BARD1: variants seen among roughly 807,000 people sequenced by gnomAD.
The protein encoded by BARD1 is BRCA1-associated RING domain protein 1.
Under a neutral mutation model 77.0 loss-of-function variants are expected in BARD1, and 73 were observed. The ratio of observed to expected loss-of-function variants is 0.95; its 90% CI spans 0.79 to 1.15. BARD1 has a LOEUF of 1.15. Among genes scored for constraint, BARD1 ranks in the 50% most tolerant of loss-of-function variants. The pLI is 0.00. For synonymous variants in BARD1, 384 were observed against 338.0 expected (o/e 1.14, Z -1.49); for missense variants, 993 against 938.8 (o/e 1.06, Z -0.75).
In BARD1 at chr2:214,745,088, A is replaced by G. The variant is rs140642433; in HGVS notation, c.1882T>C (p.Cys628Arg). The change falls in exon 9 of 11, where the codon TGC becomes CGC. Residue 628 changes from cysteine to arginine, a missense_variant. By Grantham distance (180) the Cys-to-Arg change is radical (BLOSUM62 -3). Transcript: ENST00000260947. ...TTACATTCAAATTTTAGAATCCAGC[A>G]TCCATTGAGAATCCCAAGCATACAC... ...LKCMLGILNG[C>R]WILKFEWVKA... The G allele has an allele frequency of 3.7e-6, 6 of 1,613,844 alleles. No homozygotes were observed. In the African/African-American group the frequency reaches 5.3e-5, roughly 14 times the overall value.
intron 6 of BARD1, among the ~76,000 whole-genome samples, chr2:214,760,007 A>G (rs1693878170): frequency 6.6e-6 from 1 of 152,074 alleles, no homozygotes; most frequent in African/African-American, 2.4e-5. Flanking sequence ...TCTTTTTCCT[A>G]TGTCTAGTCT....
At chr2:214,737,338 A>C (rs1692611364) in intron 9 of BARD1, among the ~76,000 whole-genome samples, 1 of 152,164 alleles carries the variant, frequency 6.6e-6, no homozygotes, top group African/African-American at 2.4e-5. Flanking sequence ...TTTTATAGAT[A>C]AGGAAACTTA....
intron 6 of BARD1, among the ~76,000 whole-genome samples, chr2:214,763,031 C>G (rs1479969107): frequency 2.6e-5 from 4 of 152,110 alleles, no homozygotes; most frequent in Non-Finnish European, 5.9e-5. Context: ...TTAGCACACA[C>G]AGCCTTTCAA....
intron 9 of BARD1, among the ~76,000 whole-genome samples, chr2:214,735,850 C>T (rs767506458): frequency 3.9e-5 from 6 of 152,086 alleles, no homozygotes; most frequent in African/African-American, 1.4e-4. Flanking sequence ...TTTGTCAAGA[C>T]GCTGAGTCTT....
At chr2:214,791,313 A>G (rs903374602) in intron 3 of BARD1, among the ~76,000 whole-genome samples, 4 of 152,202 alleles carry the variant, frequency 2.6e-5, no homozygotes, top group African/African-American at 9.6e-5. Flanking sequence ...TATTTTGTAT[A>G]ATCAACTTCA....
chr2:214,735,244 G>A (rs528420087), intron 9 of BARD1, among the ~76,000 whole-genome samples: 117 of 152,164 alleles, frequency 7.7e-4, no homozygotes, highest in African/African-American at 2.6e-3. Flanking sequence ...TGTATTATGA[G>A]GCCATTTTAA....
chr2:214,770,313 G>A (rs941269419), intron 4 of BARD1, among the ~76,000 whole-genome samples: 1 of 152,174 alleles, frequency 6.6e-6, no homozygotes, highest in African/African-American at 2.4e-5. Flanking sequence ...AGCCTTACAA[G>A]TCTTTTCTAA....
intron 3 of BARD1, among the ~76,000 whole-genome samples, chr2:214,784,550 T>C (rs1362376436): frequency 4.6e-5 from 7 of 152,174 alleles, no homozygotes; most frequent in Non-Finnish European, 1.0e-4. Context: ...GGATTATAAA[T>C]CATTCTACTA....
chr2:214,729,418 T>C (rs972499168), intron 10 of BARD1, among the ~76,000 whole-genome samples: 1 of 152,206 alleles, frequency 6.6e-6, no homozygotes, highest in East Asian at 1.9e-4. Context: ...TTTTAGATGT[T>C]GGATTAGGAA....
At chr2:214,745,006 T>C (rs1212340516) in intron 9 of BARD1, 61 bp downstream of exon 9, 1 of 1,387,742 alleles carries the variant, frequency 7.2e-7, no homozygotes, top group Non-Finnish European at 1.0e-6. Context: ...CAGGCATTAA[T>C]AACCATGAAA....
chr2:214,809,257 T>C (rs1328480401), intron 1 of BARD1, among the ~76,000 whole-genome samples, 155 bp downstream of exon 1: 1 of 152,158 alleles, frequency 6.6e-6, no homozygotes, highest in Non-Finnish European at 1.5e-5. Flanking sequence ...CAGAAGTTGT[T>C]AATACTATAT....
chr2:214,782,775 C>A (rs1695100056), intron 3 of BARD1, among the ~76,000 whole-genome samples: 1 of 152,142 alleles, frequency 6.6e-6, no homozygotes. Flanking sequence ...ACATCCAATG[C>A]AGAAAAGGGA....
At chr2:214,762,449 C>A (rs1391558436) in intron 6 of BARD1, among the ~76,000 whole-genome samples, 1 of 152,050 alleles carries the variant, frequency 6.6e-6, no homozygotes, top group Non-Finnish European at 1.5e-5. Context: ...ATGAAACAGA[C>A]TAAAAACTTT....
chr2:214,791,664 T>C (rs1290951876), intron 3 of BARD1, among the ~76,000 whole-genome samples: 1 of 152,190 alleles, frequency 6.6e-6, no homozygotes, highest in East Asian at 1.9e-4. Context: ...GAATATTAGA[T>C]TTCTGCTCTT....
At chr2:214,786,261 C>T (rs1393755147) in intron 3 of BARD1, among the ~76,000 whole-genome samples, 1 of 150,788 alleles carries the variant, frequency 6.6e-6, no homozygotes, top group Non-Finnish European at 1.5e-5. Context: ...CATTTTCTTA[C>T]GTTTTGGGGA....
chr2:214,808,637 A>C (rs1696393595), intron 1 of BARD1, among the ~76,000 whole-genome samples: 1 of 152,174 alleles, frequency 6.6e-6, no homozygotes, highest in South Asian at 2.1e-4. Context: ...AATGAGACAA[A>C]CCTTTCTTGG....
chr2:214,753,578 G>C (rs981350991), intron 6 of BARD1, among the ~76,000 whole-genome samples: 1 of 152,028 alleles, frequency 6.6e-6, no homozygotes, highest in Non-Finnish European at 1.5e-5. Flanking sequence ...TATAGAAAAA[G>C]ATCTGGAAGG....
At chr2:214,748,370 A>G (rs73989321) in intron 7 of BARD1, among the ~76,000 whole-genome samples, 9,820 of 152,178 alleles carry the variant, frequency 0.065, 369 homozygotes, top group Middle Eastern at 0.14. Flanking sequence ...AAGAGGTACA[A>G]AAAACACCCC....
chr2:214,778,095 C>T (rs1035994538), intron 4 of BARD1, among the ~76,000 whole-genome samples: 7 of 152,204 alleles, frequency 4.6e-5, no homozygotes, highest in South Asian at 2.1e-4. Flanking sequence ...ACTCGGGAAG[C>T]TGAAGCAGAA....
Sources: gnomAD v4.1 joint callset for allele counts (sites outside exome capture counted in the v4.1 genomes callset) on GRCh38, gnomAD v4.1.1 for gene constraint, MANE v1.5 for transcripts, NCBI Gene and HGNC (gene_info 2026-07-23, HGNC 2026-07-21) for gene names.